Variants in ZNF638 observed in about 807,000 individuals in gnomAD.
ZNF638 encodes the protein CTCL tumor antigen se33-1.
Under a neutral mutation model 195.6 loss-of-function variants are expected in ZNF638, and 46 were observed. The observed-to-expected ratio is 0.24, with a 90% CI of 0.19 to 0.30. The LOEUF is 0.30. Among genes scored for constraint, ZNF638 ranks in the 10% least tolerant of loss-of-function variants. The pLI, the probability that ZNF638 is intolerant of heterozygous loss-of-function variation, is 1.00. For missense variants in ZNF638, 2,440 were observed against 2,325.3 expected (o/e 1.05, Z -1.01); for synonymous variants, 845 against 772.0 (o/e 1.09, Z -1.57).
intron 5 of ZNF638, among the ~76,000 whole-genome samples, 191 bp downstream of exon 5, chr2:71,364,443 TCAA>T (rs910168212): frequency 6.6e-5 from 10 of 152,330 alleles, no homozygotes; most frequent in African/African-American, 2.2e-4. Flanking sequence ...TATGTGTCCA[TCAA>T]CATCATATTT....
intron 15 of ZNF638, among the ~76,000 whole-genome samples, chr2:71,400,792 G>A (rs975125096): frequency 1.3e-5 from 2 of 152,066 alleles, no homozygotes; most frequent in African/African-American, 4.8e-5. Flanking sequence ...TTGCCAAAAT[G>A]GGTTTTGGGT....
At chr2:71,420,352 C>A (rs1179660345) in intron 21 of ZNF638, among the ~76,000 whole-genome samples, 1 of 152,134 alleles carries the variant, frequency 6.6e-6, no homozygotes, top group Non-Finnish European at 1.5e-5. Flanking sequence ...TGTACTCATT[C>A]TGTTGATATG....
At chr2:71,391,300 C>G (rs78785016) in intron 10 of ZNF638, among the ~76,000 whole-genome samples, 1 of 152,096 alleles carries the variant, frequency 6.6e-6, no homozygotes, top group African/African-American at 2.4e-5. Context: ...TAATACTATT[C>G]CCCTTGCAGA....
intron 2 of ZNF638, among the ~76,000 whole-genome samples, chr2:71,352,506 A>T (rs1376152734): frequency 6.6e-6 from 1 of 151,010 alleles, no homozygotes; most frequent in Admixed American, 6.6e-5. Context: ...AAAAAAAAAA[A>T]AAAAGAAGAG....
chr2:71,333,996 T>C (rs1442195168), intron 1 of ZNF638, among the ~76,000 whole-genome samples: 1 of 152,230 alleles, frequency 6.6e-6, no homozygotes, highest in Non-Finnish European at 1.5e-5. Context: ...AGTAATAGAA[T>C]TTTGGAGTTG....
intron 17 of ZNF638, among the ~76,000 whole-genome samples, chr2:71,404,309 T>C (rs2080062687): frequency 6.6e-6 from 1 of 152,240 alleles, no homozygotes; most frequent in South Asian, 2.1e-4. Context: ...AAGTTATCTT[T>C]AATTTTTTTT....
At chr2:71,336,087 A>G (rs1424287756) in intron 1 of ZNF638, among the ~76,000 whole-genome samples, 2 of 152,140 alleles carry the variant, frequency 1.3e-5, no homozygotes, top group East Asian at 3.9e-4. Context: ...TGTACTTGAT[A>G]AGGCCGGGGC....
At chr2:71,433,061 T>C in intron 26 of ZNF638, 104 bp from the exon 27 acceptor site, 1 of 945,070 alleles carries the variant, frequency 1.1e-6, no homozygotes, top group Admixed American at 1.9e-5. Context: ...CCCTCCAACC[T>C]GGATGACAGA....
At position 71,427,314 on chromosome 2, in the gene ZNF638, C is replaced by T; in HGVS notation, c.5445C>T (p.Asp1815=). The T allele has an allele frequency of 1.2e-6, 2 of 1,610,808 alleles. No individual in the cohort carries two copies. The highest frequency in any genetic ancestry group is 3.4e-5 in the Admixed American group (2 of 59,226). ...GGAATAGAAAGAAGAGAGCTGTGGA[C>T]ACAAAAAAGACAAAACTTGAATCCT... The part of the protein sequence containing the change: ...KKGNRKKRAV[D]TKKTKLESLS... The change falls in exon 24 of 28, where the codon GAC becomes GAT. Residue 1815 remains aspartate, a synonymous_variant. Transcript: ENST00000264447.
Position 71,349,919 on chromosome 2 carries a change from CAAT to C in ZNF638, c.966_968del (p.Met323del), listed in dbSNP as rs2078913158. On this transcript the variant is annotated inframe_deletion, in exon 2 of 28. Transcript: ENST00000264447. The stretch of plus-strand genomic sequence containing the variant: ...TCCATTAACCAAACAGTTAGCCAGA[CAAT>C]GAGTCAATCTCTGATTCCTCCATCT... 6.2e-7 allele frequency: 1 copy of C among 1,614,108 alleles called. No individual in the cohort carries two copies. The highest frequency in any genetic ancestry group is 1.3e-5 in the African/African-American group (1 of 74,928).
chr2:71,410,982 C>CG, intron 20 of ZNF638, among the ~76,000 whole-genome samples: 1 of 57,556 alleles, frequency 1.7e-5, no homozygotes, highest in African/African-American at 7.0e-5. Flanking sequence ...CACCCACCAC[C>CG]TCCCCCCCCC....
intron 2 of ZNF638, among the ~76,000 whole-genome samples, chr2:71,351,145 T>C (rs2078933534): frequency 6.6e-6 from 1 of 152,198 alleles, no homozygotes; most frequent in Admixed American, 6.5e-5. Flanking sequence ...TATACTAACA[T>C]GGGAAAAAGC....
intron 10 of ZNF638, chr2:71,393,591 C>G (rs753626083): frequency 2.8e-6 from 2 of 718,042 alleles, no homozygotes; most frequent in Non-Finnish European, 5.2e-6. Flanking sequence ...AAATCCTGCT[C>G]CAGACACAGA....
At chr2:71,353,549 G>A (rs1459078547) in intron 2 of ZNF638, among the ~76,000 whole-genome samples, 1 of 152,118 alleles carries the variant, frequency 6.6e-6, no homozygotes, top group African/African-American at 2.4e-5. Flanking sequence ...AGTTGGGGTG[G>A]GATGGGTGTG....
intron 27 of ZNF638, 68 bp downstream of exon 27, chr2:71,433,351 C>A: frequency 8.9e-7 from 1 of 1,120,490 alleles, no homozygotes; most frequent in Non-Finnish European, 1.3e-6. Context: ...TATTTATCTC[C>A]CCAAACGTAC....
intron 1 of ZNF638, among the ~76,000 whole-genome samples, chr2:71,336,397 A>C (rs866585171): frequency 1.5e-4 from 23 of 150,508 alleles, no homozygotes; most frequent in South Asian, 8.4e-4. Context: ...AAAAAAAAAA[A>C]AAACCAAAAA....
At chr2:71,414,678 CTTTG>C (rs2152592490) in intron 20 of ZNF638, among the ~76,000 whole-genome samples, 1 of 107,570 alleles carries the variant, frequency 9.3e-6, no homozygotes, top group East Asian at 2.9e-4. Flanking sequence ...TATGTGGTGT[CTTTG>C]TTCTCGTTGG....
chr2:71,404,273 A>AT (rs1420842659), intron 17 of ZNF638, among the ~76,000 whole-genome samples: 1 of 152,198 alleles, frequency 6.6e-6, no homozygotes, highest in Admixed American at 6.5e-5. Flanking sequence ...TTCTGCCATT[A>AT]TCTGTCATCT....
chr2:71,431,969 C>T (rs2080675205), intron 26 of ZNF638, among the ~76,000 whole-genome samples: 1 of 152,116 alleles, frequency 6.6e-6, no homozygotes, highest in African/African-American at 2.4e-5. Context: ...TCTTTTATTC[C>T]TGGTGCTTTC....
Sources: allele counts gnomAD v4.1 joint callset (sites outside exome capture counted in the v4.1 genomes callset), GRCh38; gene constraint gnomAD v4.1.1; transcripts MANE v1.5; gene names NCBI Gene and HGNC (gene_info 2026-07-23, HGNC 2026-07-21).